Variants in TRAK2 observed in about 807,000 individuals in gnomAD.
TRAK2 encodes the protein trafficking kinesin-binding protein 2.
Under a neutral mutation model 104.6 loss-of-function variants are expected in TRAK2, and 81 were observed. The observed-to-expected ratio is 0.77, with a 90% CI of 0.65 to 0.93. The LOEUF (loss-of-function observed/expected upper bound fraction) is 0.93. TRAK2 is among the 40% of genes least tolerant of loss of function. TRAK2 has a pLI of 0.00. For missense variants in TRAK2, 1,002 were observed against 1,089.0 expected, an observed-to-expected ratio of 0.92 and a Z score of 1.12; for synonymous variants, 406 against 394.4, an observed-to-expected ratio of 1.03 and a Z score of -0.35.
chr2:201,397,057 T>C (rs1951508946), intron 7 of TRAK2, among the ~76,000 whole-genome samples: 1 of 152,204 alleles, frequency 6.6e-6, no homozygotes. Context: ...TTGGTTAACA[T>C]TACCTCAAAC....
At chr2:201,410,519 G>A (rs1237555832) in intron 2 of TRAK2, 5 of 1,005,928 alleles carry the variant, frequency 5.0e-6, no homozygotes, top group Middle Eastern at 4.4e-4. Flanking sequence ...GATTGGAACT[G>A]AAATAATCCT....
chr2:201,397,952 C>G (rs1005929946), intron 6 of TRAK2, 193 bp downstream of exon 6: 3 of 543,342 alleles, frequency 5.5e-6, no homozygotes, highest in Middle Eastern at 4.7e-4. Context: ...GTACTGTCAA[C>G]CTGCTACTAT....
In TRAK2 at chr2:201,381,115, T is replaced by C. The variant is rs1293707989; in HGVS notation, c.2173A>G (p.Ile725Val). 1.9e-6 allele frequency: 3 copies of C among 1,613,712 alleles called. No individual in the cohort carries two copies. The Admixed American group carries it at 5.0e-5, about 27-fold the overall frequency. The change falls in exon 16 of 16, where the codon ATC (isoleucine) becomes GTC (valine). Residue 725 changes from isoleucine (I) to valine (V), a missense_variant. Ile to Val is a conservative substitution (Grantham distance 29). Transcript: ENST00000332624. ...LSYRLSIGES[I>V]TNRRDSTTTF... ...GTAGTGGAATCTCGTCGGTTGGTGA[T>C]GGACTCACCAATGCTGAGTCTATAG...
intron 1 of TRAK2, among the ~76,000 whole-genome samples, chr2:201,449,720 C>T (rs1432206918): frequency 6.6e-6 from 1 of 151,272 alleles, no homozygotes; most frequent in Non-Finnish European, 1.5e-5. Context: ...AATCTTGGCT[C>T]ACTGCAACCT....
Position 201,415,511 on chromosome 2 carries a change from G to A in TRAK2, c.91+4906C>T, listed in dbSNP as rs1292158162. ...AAAGATTTAAGGGGAAAATATGAAC[G>A]TAATGGAAAGAGAAACAGAAGATAT... On this transcript the variant is annotated intron_variant, in intron 2 of 15. Coordinates refer to ENST00000332624, the MANE Select transcript of TRAK2 (RefSeq NM_015049.3). 3.9e-5 allele frequency among the ~76,000 whole-genome samples: 6 copies of A among 152,166 alleles called. No individual in the cohort carries two copies. The South Asian group carries it at 6.2e-4, about 16-fold the overall frequency.
intron 7 of TRAK2, among the ~76,000 whole-genome samples, chr2:201,396,783 C>T (rs554389503): frequency 1.1e-4 from 16 of 152,204 alleles, no homozygotes; most frequent in Admixed American, 3.3e-4. Context: ...ACTGGACAAA[C>T]GGATGATTCA....
At chr2:201,400,047 T>C (rs900063311) in intron 4 of TRAK2, among the ~76,000 whole-genome samples, 1 of 152,018 alleles carries the variant, frequency 6.6e-6, no homozygotes. Flanking sequence ...AGAATGATGA[T>C]ATGAAATAAA....
chr2:201,393,151 A>G, intron 9 of TRAK2, 105 bp from the exon 10 acceptor site: 2 of 1,129,434 alleles, frequency 1.8e-6, no homozygotes, highest in Non-Finnish European at 2.5e-6. Flanking sequence ...CCAGAGGGCT[A>G]GCTAACTTTA....
chr2:201,439,425 TAAAA>T (rs1374474781), intron 1 of TRAK2, among the ~76,000 whole-genome samples: 1 of 151,966 alleles, frequency 6.6e-6, no homozygotes, highest in African/African-American at 2.4e-5. Context: ...TTTCTTATTT[TAAAA>T]AACATTGATG....
At chr2:201,438,126 G>A (rs10427215) in intron 1 of TRAK2, among the ~76,000 whole-genome samples, 74,154 of 151,996 alleles carry the variant, frequency 0.49, 19,610 homozygotes, top group South Asian at 0.63. Flanking sequence ...AACTTTTCCT[G>A]AGCAAAAGGA....
chr2:201,381,865 C>T (rs759398139), intron 15 of TRAK2, among the ~76,000 whole-genome samples: 41 of 152,014 alleles, frequency 2.7e-4, no homozygotes, highest in Non-Finnish European at 4.7e-4. Context: ...TTTTTCTCAA[C>T]CTTGACCTGA....
At chr2:201,394,938 TAA>T (rs1951487533) in intron 8 of TRAK2, 66 bp from the exon 9 acceptor site, 5 of 1,340,732 alleles carry the variant, frequency 3.7e-6, no homozygotes, top group Non-Finnish European at 5.2e-6. Flanking sequence ...CTCTTTCTTA[TAA>T]AGACATGTGA....
intron 15 of TRAK2, 152 bp downstream of exon 15, chr2:201,383,959 A>G: frequency 1.6e-6 from 1 of 609,916 alleles, no homozygotes; most frequent in Non-Finnish European, 2.9e-6. Context: ...TAATCAAATG[A>G]GAAAATGCAA....
chr2:201,406,862 C>T (rs1028846978), intron 3 of TRAK2, among the ~76,000 whole-genome samples: 1 of 152,126 alleles, frequency 6.6e-6, no homozygotes, highest in Admixed American at 6.5e-5. Flanking sequence ...ATTTTCAGAA[C>T]AAATCTGGCT....
At chr2:201,403,600 T>C (rs1006251277) in intron 3 of TRAK2, among the ~76,000 whole-genome samples, 1 of 152,126 alleles carries the variant, frequency 6.6e-6, no homozygotes, top group African/African-American at 2.4e-5. Flanking sequence ...TGTGAGCATA[T>C]CTATAAATAT....
chr2:201,391,337 C>G (rs1010562283), intron 10 of TRAK2, among the ~76,000 whole-genome samples: 3 of 151,986 alleles, frequency 2.0e-5, no homozygotes, highest in African/African-American at 7.2e-5. Context: ...AACAAATGAA[C>G]AAATAAATGG....
rs936608616 is a variant in TRAK2, at chr2:201,447,333, A to G, written c.-200+4017T>C. On this transcript the variant is annotated intron_variant, in intron 1 of 15. Transcript: ENST00000332624. The surrounding 1 kb of genome is among the most constrained non-coding windows in gnomAD (Gnocchi z 4.1). ...TAACCACAGCTTAAAGGCTTTTTGTATGTCAACTTCTATCACCTAACCACA... is the reference window on the plus strand; with the variant it reads ...TAACCACAGCTTAAAGGCTTTTTGTGTGTCAACTTCTATCACCTAACCACA... Among the ~76,000 whole-genome samples the G allele has an allele frequency of 6.6e-6, 1 of 152,196 alleles. No individual in the cohort carries two copies. The highest frequency in any genetic ancestry group is 1.5e-5 in the Non-Finnish European group (1 of 68,022).
chr2:201,447,304 C>G lies in TRAK2; in HGVS notation c.-200+4046G>C, dbSNP rs144537762. The stretch of plus-strand genomic sequence containing the variant: ...TATCTCTTCACCAAAAAACCTCAAT[C>G]ACCTAACCACAGCTTAAAGGCTTTT... On this transcript the variant is annotated intron_variant, in intron 1 of 15. Transcript: ENST00000332624. This position sits in a 1 kb window ranked among gnomAD's most constrained non-coding sequence, Gnocchi z 4.1. 2.8e-4 allele frequency among the ~76,000 whole-genome samples: 42 copies of G among 152,306 alleles called. No individual in the cohort carries two copies. The highest frequency in any genetic ancestry group is 4.0e-4 in the Non-Finnish European group (27 of 68,008).
At position 201,427,582 on chromosome 2, in the gene TRAK2, T is replaced by A. The variant is rs537873260; in HGVS notation, c.-199-6876A>T. On this transcript the variant is annotated intron_variant, in intron 1 of 15. Coordinates refer to ENST00000332624, the MANE Select transcript of TRAK2 (RefSeq NM_015049.3). The stretch of plus-strand genomic sequence containing the variant: ...AATCCAGTCTACCAATGATAGACAT[T>A]TGGGTTGGTTCCAAGTCTTTGCTAT... Among the ~76,000 whole-genome samples, 3 of 152,224 alleles carry A rather than the reference T, an allele frequency of 2.0e-5. 1 individual carries two copies. The South Asian group carries it at 6.2e-4, about 32-fold the overall frequency.
Sources: allele counts gnomAD v4.1 joint callset (sites outside exome capture counted in the v4.1 genomes callset), GRCh38; gene constraint gnomAD v4.1.1; non-coding constraint Gnocchi (gnomAD v3.1); transcripts MANE v1.5; gene names NCBI Gene and HGNC (gene_info 2026-07-23, HGNC 2026-07-21).